MGMT: variants seen among roughly 807,000 people sequenced by gnomAD.
MGMT encodes methylated-DNA--protein-cysteine methyltransferase.
MGMT carries 14 observed loss-of-function variants against 15.9 expected under a neutral mutation model. That is an observed-to-expected ratio of 0.88 (90% CI 0.58 to 1.37). The LOEUF (loss-of-function observed/expected upper bound fraction) is 1.37. Among genes scored for constraint, MGMT ranks in the 40% most tolerant of loss-of-function variants. The probability of loss-of-function intolerance (pLI) is 0.00; values close to 1 mark genes in which losing one functional copy is unlikely to be tolerated. For missense variants in MGMT, 282 were observed against 268.1 expected, an observed-to-expected ratio of 1.05 and a Z score of -0.36; for synonymous variants, 130 against 118.2, an observed-to-expected ratio of 1.10 and a Z score of -0.65.
At chr10:129,645,787 G>A (rs1847382033) in intron 2 of MGMT, among the ~76,000 whole-genome samples, 1 of 152,198 alleles carries the variant, frequency 6.6e-6, no homozygotes, top group Non-Finnish European at 1.5e-5. Context: ...CCAGCCTGGG[G>A]ATGACTTTAT....
intron 2 of MGMT, among the ~76,000 whole-genome samples, 168 bp from the exon 3 acceptor site, chr10:129,707,727 G>A (rs543905431): frequency 6.6e-6 from 1 of 152,278 alleles, no homozygotes; most frequent in African/African-American, 2.4e-5. Flanking sequence ...GGGCCTCGGT[G>A]CGTCCTTGCC....
intron 1 of MGMT, among the ~76,000 whole-genome samples, chr10:129,516,133 C>A (rs1361970689): frequency 6.6e-6 from 1 of 152,132 alleles, no homozygotes; most frequent in Non-Finnish European, 1.5e-5. Context: ...ATTGTAAGTT[C>A]GTCTCTTCCC....
chr10:129,482,745 G>T (rs1845371384), intron 1 of MGMT, among the ~76,000 whole-genome samples: 1 of 152,090 alleles, frequency 6.6e-6, no homozygotes. Context: ...TGTGGTAACT[G>T]TTTTTCCATT....
At chr10:129,746,909 C>A (rs1396306777) in intron 3 of MGMT, among the ~76,000 whole-genome samples, 1 of 152,048 alleles carries the variant, frequency 6.6e-6, no homozygotes, top group Non-Finnish European at 1.5e-5. Flanking sequence ...GATAATAAAC[C>A]TATAGGTCAG....
intron 1 of MGMT, among the ~76,000 whole-genome samples, chr10:129,487,882 CTG>C (rs925190509): frequency 2.2e-4 from 33 of 149,412 alleles, no homozygotes; most frequent in African/African-American, 7.8e-4. Context: ...CATTGAGAGA[CTG>C]TGTGTGTGTA....
At chr10:129,669,184 A>G (rs984258381) in intron 2 of MGMT, among the ~76,000 whole-genome samples, 2 of 152,026 alleles carry the variant, frequency 1.3e-5, no homozygotes, top group Admixed American at 6.6e-5. Context: ...AAATCAACTT[A>G]TTTTGTTTTA....
chr10:129,542,621 T>C (rs1846056011), intron 2 of MGMT, among the ~76,000 whole-genome samples: 1 of 152,220 alleles, frequency 6.6e-6, no homozygotes, highest in African/African-American at 2.4e-5. Context: ...ATTTGTGTTG[T>C]ATGTGCTTAA....
intron 2 of MGMT, among the ~76,000 whole-genome samples, chr10:129,684,032 C>T (rs1445616659): frequency 6.6e-6 from 1 of 152,196 alleles, no homozygotes; most frequent in Non-Finnish European, 1.5e-5. Context: ...ACAGATGCCT[C>T]GGCAGAGGCT....
chr10:129,646,754 A>ATATATATATATTTTTTTTTT, intron 2 of MGMT, among the ~76,000 whole-genome samples: 2 of 86,672 alleles, frequency 2.3e-5, no homozygotes, highest in African/African-American at 7.8e-5. Context: ...ATATATATAT[A>ATATATATATATTTTTTTTTT]TTTTCAGGGA....
intron 2 of MGMT, among the ~76,000 whole-genome samples, chr10:129,670,749 A>C (rs975518464): frequency 5.9e-5 from 9 of 152,208 alleles, no homozygotes; most frequent in Admixed American, 2.0e-4. Flanking sequence ...ACAACAGACA[A>C]AATGGACAGA....
chr10:129,737,484 T>C (rs907222741), intron 3 of MGMT, among the ~76,000 whole-genome samples: 1 of 152,168 alleles, frequency 6.6e-6, no homozygotes, highest in African/African-American at 2.4e-5. Flanking sequence ...TTCAACTTCT[T>C]TGCCTTTGGT....
chr10:129,639,348 T>C (rs943251640), intron 2 of MGMT, among the ~76,000 whole-genome samples: 2 of 152,184 alleles, frequency 1.3e-5, no homozygotes, highest in African/African-American at 2.4e-5. Flanking sequence ...TAAATGGCTA[T>C]GTACCTGACA....
intron 2 of MGMT, chr10:129,701,099 C>T (rs61634956): frequency 0.03 from 4,532 of 152,238 alleles, 201 homozygotes; most frequent in African/African-American, 0.1. Context: ...CTGTGTGTGG[C>T]GAGGCCACTA....
At chr10:129,666,326 A>G (rs959717980) in intron 2 of MGMT, among the ~76,000 whole-genome samples, 3 of 152,214 alleles carry the variant, frequency 2.0e-5, no homozygotes, top group Non-Finnish European at 2.9e-5. Context: ...TGCATTCACT[A>G]TGTAGATTAA....
At chr10:129,577,963 C>A (rs1365213238) in intron 2 of MGMT, among the ~76,000 whole-genome samples, 4 of 152,196 alleles carry the variant, frequency 2.6e-5, no homozygotes, top group African/African-American at 9.7e-5. Context: ...CAGAGAAATG[C>A]AACTCAAAAC....
At chr10:129,706,665 C>G (rs1848166584) in intron 2 of MGMT, among the ~76,000 whole-genome samples, 1 of 152,108 alleles carries the variant, frequency 6.6e-6, no homozygotes, top group Non-Finnish European at 1.5e-5. Context: ...AGAAATCGGA[C>G]CCAGGGCCAG....
intron 1 of MGMT, among the ~76,000 whole-genome samples, chr10:129,499,244 T>C (rs978303132): frequency 6.6e-6 from 1 of 152,242 alleles, no homozygotes; most frequent in African/African-American, 2.4e-5. Context: ...GAATTTTCTA[T>C]AGAATTCTCT....
intron 3 of MGMT, among the ~76,000 whole-genome samples, chr10:129,753,129 C>T (rs889638161): frequency 1.1e-4 from 16 of 152,038 alleles, no homozygotes; most frequent in African/African-American, 3.9e-4. Context: ...TTTTTTCTTT[C>T]TTTCAGCACT....
intron 1 of MGMT, among the ~76,000 whole-genome samples, chr10:129,527,379 T>C (rs12248737): frequency 0.25 from 37,826 of 152,112 alleles, 5,655 homozygotes; most frequent in African/African-American, 0.42. Context: ...TCTGCAGATT[T>C]GAGGCTGGCG....
Sources: allele counts gnomAD v4.1 joint callset (sites outside exome capture counted in the v4.1 genomes callset), GRCh38; gene constraint gnomAD v4.1.1; transcripts MANE v1.5; gene names NCBI Gene and HGNC (gene_info 2026-07-23, HGNC 2026-07-21).